The following RBM6 variants were observed in gnomAD, a reference collection of about 807,000 sequenced individuals.
RBM6 encodes the protein RNA-binding protein 6.
Under a neutral mutation model 140.4 loss-of-function variants are expected in RBM6, and 23 were observed. The observed-to-expected ratio is 0.16, with a 90% CI of 0.12 to 0.23. The LOEUF is 0.23. Ranked by LOEUF, RBM6 falls within the 10% of genes least tolerant of loss-of-function variation. The probability of loss-of-function intolerance (pLI) is 1.00; values close to 1 mark genes in which losing one functional copy is unlikely to be tolerated. For synonymous variants in RBM6, 439 were observed against 475.6 expected (o/e 0.92, Z 1.00); for missense variants, 1,139 against 1,386.7 (o/e 0.82, Z 2.84).
chr3:50,048,225 T>G lies in RBM6; in HGVS notation c.1558-20T>G, dbSNP rs753204693. The G allele has an allele frequency of 2.5e-6, 4 of 1,611,302 alleles. No homozygotes were observed. The highest frequency in any genetic ancestry group is 1.1e-5 in the South Asian group (1 of 90,420). ...TTCTCCAAGGGTTGATGTTGATGGCTTCTGTCTTTGTCTTTACAGGGAACT... is the reference window on the plus strand; with the variant it reads ...TTCTCCAAGGGTTGATGTTGATGGCGTCTGTCTTTGTCTTTACAGGGAACT... On this transcript the variant is annotated intron_variant, in intron 6 of 20. Coordinates refer to ENST00000266022, the MANE Select transcript of RBM6 (RefSeq NM_005777.3).
At chr3:49,941,066 C>G (rs2108553925) in intron 1 of RBM6, 1 of 152,002 alleles carries the variant, frequency 6.6e-6, no homozygotes, top group South Asian at 2.1e-4. Context: ...TTTCTGAACC[C>G]TGGATTGTGC....
intron 5 of RBM6, among the ~76,000 whole-genome samples, chr3:49,983,473 A>G (rs1398747105): frequency 1.3e-5 from 2 of 152,254 alleles, no homozygotes; most frequent in East Asian, 3.9e-4. Context: ...AAAAAAGTGC[A>G]TAGTTTATGG....
intron 1 of RBM6, among the ~76,000 whole-genome samples, chr3:49,959,572 T>C (rs925542132): frequency 4.4e-5 from 4 of 91,062 alleles, no homozygotes; most frequent in African/African-American, 1.0e-4. Context: ...ATATTTAGGG[T>C]TTTTTTTTTT....
At chr3:50,004,497 G>C in intron 6 of RBM6, among the ~76,000 whole-genome samples, 1 of 127,742 alleles carries the variant, frequency 7.8e-6, no homozygotes, top group East Asian at 2.2e-4. Flanking sequence ...TTTTTTTGTA[G>C]AGGCAGGGTT....
intron 6 of RBM6, among the ~76,000 whole-genome samples, chr3:50,003,334 T>G (rs1293797839): frequency 5.6e-5 from 8 of 141,848 alleles, no homozygotes; most frequent in East Asian, 2.0e-4. Context: ...AAAAAAAAAG[T>G]CTTTGTCTAT....
At chr3:50,010,134 G>A (rs1024423814) in intron 6 of RBM6, among the ~76,000 whole-genome samples, 1 of 152,046 alleles carries the variant, frequency 6.6e-6, no homozygotes, top group Non-Finnish European at 1.5e-5. Flanking sequence ...CAATCCACCC[G>A]TCTCGGCCTC....
Position 50,024,997 on chromosome 3 carries a change from C to CA in RBM6, c.1558-23242dup, listed in dbSNP as rs796768138. Reference sequence around the variant, plus strand: ...CAGAGCAAGACTCCGTCTCAAAAAACAAAAAACAAAAAACAAGAAAACAGT... The same window carrying CA: ...CAGAGCAAGACTCCGTCTCAAAAAACAAAAAAACAAAAAACAAGAAAACAGT... On this transcript the variant is annotated intron_variant, in intron 6 of 20. Coordinates refer to ENST00000266022, the MANE Select transcript of RBM6 (RefSeq NM_005777.3). Among the ~76,000 whole-genome samples the CA allele has an allele frequency of 3.2e-3, 405 of 126,144 alleles. 4 individuals are homozygous for CA. Among genetic ancestry groups the CA allele is most frequent in the East Asian group, 9.4e-3 (37 of 3,932 alleles). The allele number at this position is 126,144 out of a possible 152,430, so 82.8% of individuals were successfully genotyped here. A position where few individuals can be genotyped will look rare whatever the true frequency, so the allele number is the denominator to read the frequency against.
chr3:50,077,175 T>C lies in RBM6; in HGVS notation c.*42T>C. 1 of 1,568,610 alleles carries C rather than the reference T, an allele frequency of 6.4e-7. No individual in the cohort carries two copies. Among genetic ancestry groups the C allele is most frequent in the Non-Finnish European group, 8.6e-7 (1 of 1,159,092 alleles). On this transcript the variant is annotated 3_prime_UTR_variant, in exon 21 of 21. Coordinates refer to ENST00000266022, the MANE Select transcript of RBM6 (RefSeq NM_005777.3). ...CATGGGATACAACCTCCCTCTTGTT[T>C]TGTTTGTCTCTCCTTTTCTTTTGTT...
rs550879569 is a variant in RBM6 at position 49,977,054 on chromosome 3, C to T, written c.1483+1662C>T. Among the ~76,000 whole-genome samples, 9 of 152,268 alleles carry T rather than the reference C, an allele frequency of 5.9e-5. No homozygotes were observed. The South Asian group carries it at 1.7e-3, about 28-fold the overall frequency. ...TAGGATGAACTTTTGACAATATCAG[C>T]CAGATCATGTTACTCCCATGTCTAA... On this transcript the variant is annotated intron_variant, in intron 5 of 20. Transcript: ENST00000266022.
At chr3:49,992,361 A>G (rs1281692260) in intron 5 of RBM6, among the ~76,000 whole-genome samples, 1 of 152,240 alleles carries the variant, frequency 6.6e-6, no homozygotes, top group Non-Finnish European at 1.5e-5. Flanking sequence ...AAATAAAAAT[A>G]GCCATGTAAT....
At chr3:49,945,740 G>A (rs2083457350) in intron 1 of RBM6, among the ~76,000 whole-genome samples, 1 of 151,724 alleles carries the variant, frequency 6.6e-6, no homozygotes, top group African/African-American at 2.4e-5. Context: ...ACATTAACCG[G>A]GCGTGGCGGC....
intron 3 of RBM6, 112 bp downstream of exon 3, chr3:49,968,860 A>G: frequency 3.1e-6 from 4 of 1,287,872 alleles, no homozygotes; most frequent in Non-Finnish European, 4.1e-6. Flanking sequence ...TGCTCATGCA[A>G]GCTCCGCCTC....
intron 5 of RBM6, among the ~76,000 whole-genome samples, chr3:49,979,200 T>C (rs967016311): frequency 1.3e-5 from 2 of 152,190 alleles, no homozygotes; most frequent in Admixed American, 6.5e-5. Context: ...CAATTCAGTT[T>C]ATATGAAATA....
intron 15 of RBM6, 71 bp downstream of exon 15, chr3:50,062,179 TA>T: frequency 6.6e-7 from 1 of 1,507,802 alleles, no homozygotes; most frequent in Non-Finnish European, 9.0e-7. Context: ...GAACAGAGGA[TA>T]TCTATGTTTG....
At chr3:50,044,475 C>T (rs1411419890) in intron 6 of RBM6, among the ~76,000 whole-genome samples, 1 of 151,426 alleles carries the variant, frequency 6.6e-6, no homozygotes, top group Non-Finnish European at 1.5e-5. Flanking sequence ...ACAAGCTACT[C>T]GAGAGGCCGA....
intron 18 of RBM6, 88 bp downstream of exon 18, chr3:50,068,852 T>G: frequency 8.3e-7 from 1 of 1,201,074 alleles, no homozygotes; most frequent in South Asian, 1.4e-5. Flanking sequence ...TCCCTCCTTA[T>G]AAGAAGATGG....
At chr3:50,043,487 C>CAAAAAAA (rs11434039) in intron 6 of RBM6, among the ~76,000 whole-genome samples, 1 of 141,312 alleles carries the variant, frequency 7.1e-6, no homozygotes, top group Non-Finnish European at 1.5e-5. Flanking sequence ...GACCCTGTCT[C>CAAAAAAA]AAAAAAAAAA....
chr3:49,967,865 G>A lies in RBM6; in HGVS notation c.440G>A (p.Gly147Asp). Residue 147 changes from glycine to aspartate, a missense_variant, in exon 3 of 21, where the codon GGT (glycine) becomes GAT (aspartate). Coordinates refer to ENST00000266022, the MANE Select transcript of RBM6 (RefSeq NM_005777.3). The surrounding 1 kb of genome is among the most constrained non-coding windows in gnomAD (Gnocchi z 4.0). The part of the protein sequence containing the change: ...GGDGTSMDYR[G>D]REAPHMNYRD... ...GATGGTACTTCTATGGATTATAGAG[G>A]TAGGGAGGCACCTCATATGAACTAC... The A allele has an allele frequency of 6.2e-7, 1 of 1,614,126 alleles. No individual in the cohort carries two copies. Among genetic ancestry groups the A allele is most frequent in the East Asian group, 2.2e-5 (1 of 44,888 alleles).
intron 5 of RBM6, among the ~76,000 whole-genome samples, chr3:49,986,706 T>A (rs1374940608): frequency 2.0e-5 from 3 of 151,724 alleles, no homozygotes; most frequent in African/African-American, 7.3e-5. Context: ...TTTTGTCTCT[T>A]TCTCTCTCTT....
Sources: allele counts gnomAD v4.1 joint callset (sites outside exome capture counted in the v4.1 genomes callset), GRCh38; gene constraint gnomAD v4.1.1; non-coding constraint Gnocchi (gnomAD v3.1); transcripts MANE v1.5; gene names NCBI Gene and HGNC (gene_info 2026-07-23, HGNC 2026-07-21).